Variants in HTR2C observed in about 807,000 individuals in gnomAD.
HTR2C encodes 5-hydroxytryptamine (serotonin) receptor 2C, G protein-coupled.
A neutral mutation model predicts 21.0 loss-of-function variants in HTR2C; 5 were observed. The observed-to-expected ratio is 0.24, with a 90% confidence interval of 0.12 to 0.50. The LOEUF is 0.50. Ranked by LOEUF, HTR2C falls within the 20% of genes least tolerant of loss-of-function variation. HTR2C has a pLI of 0.98. For missense variants in HTR2C, 271 were observed against 371.2 expected, an observed-to-expected ratio of 0.73 and a Z score of 2.22; for synonymous variants, 150 against 145.3, an observed-to-expected ratio of 1.03 and a Z score of -0.23.
chrX:114,704,450 G>A (rs1375421097), intron 2 of HTR2C, among the ~76,000 whole-genome samples: 1 of 111,613 alleles, frequency 9.0e-6, no homozygotes, highest in African/African-American at 3.3e-5. Flanking sequence ...CGGAACCAAA[G>A]TCAAAAACCA....
At chrX:114,714,198 A>G (rs991462153) in intron 2 of HTR2C, among the ~76,000 whole-genome samples, 1 of 111,405 alleles carries the variant, frequency 9.0e-6, no homozygotes, top group Non-Finnish European at 1.9e-5. Flanking sequence ...CTGAAGTACT[A>G]TTTTTCTCCA....
intron 4 of HTR2C, among the ~76,000 whole-genome samples, chrX:114,789,742 T>G (rs1290286519): frequency 9.0e-6 from 1 of 111,234 alleles, no homozygotes; most frequent in Non-Finnish European, 1.9e-5. Context: ...AGGACTCTCA[T>G]AAACTCATGA....
chrX:114,662,146 C>T (rs1931012435), intron 2 of HTR2C, among the ~76,000 whole-genome samples: 1 of 111,334 alleles, frequency 9.0e-6, no homozygotes, highest in Non-Finnish European at 1.9e-5. Flanking sequence ...GAAAAGGCTG[C>T]CTTTTTTAAA....
At chrX:114,633,002 AT>A (rs1556404580) in intron 2 of HTR2C, among the ~76,000 whole-genome samples, 1 of 111,017 alleles carries the variant, frequency 9.0e-6, no homozygotes, top group African/African-American at 3.3e-5. Context: ...AAACACAAAT[AT>A]CCCACTGATA....
At chrX:114,639,276 T>C (rs1343171474) in intron 2 of HTR2C, among the ~76,000 whole-genome samples, 3 of 112,314 alleles carry the variant, frequency 2.7e-5, no homozygotes, top group African/African-American at 9.7e-5. Flanking sequence ...TATTGCTAAA[T>C]TCCATTTACA....
At chrX:114,784,339 C>T (rs1383430171) in intron 4 of HTR2C, among the ~76,000 whole-genome samples, 1 of 111,689 alleles carries the variant, frequency 9.0e-6, no homozygotes, top group African/African-American at 3.2e-5. Flanking sequence ...GTACAAATAT[C>T]TAGACAAACA....
chrX:114,799,035 T>C (rs1248890244), intron 4 of HTR2C, among the ~76,000 whole-genome samples: 5 of 109,745 alleles, frequency 4.6e-5, no homozygotes, highest in African/African-American at 1.7e-4. Context: ...CTAACCTTGA[T>C]GTTTCCAGAA....
rs1222237858 is a variant in HTR2C, at chrX:114,591,921, C to G, written c.-147+7262C>G. ...TATGGTATAGGCAACATTGATTTCT[C>G]TCTTTCCTACTCTCTCACTCAGGAT... is the stretch of plus-strand genomic sequence containing the variant. On this transcript the variant is annotated intron_variant, in intron 1 of 5. Coordinates refer to ENST00000276198, the MANE Select transcript of HTR2C (RefSeq NM_000868.4). Among the ~76,000 whole-genome samples, 3 of 111,774 alleles carry G rather than the reference C, an allele frequency of 2.7e-5. No homozygotes were observed. The East Asian group carries it at 8.4e-4, about 31-fold the overall frequency.
chrX:114,707,290 A>G (rs1054864200), intron 2 of HTR2C, among the ~76,000 whole-genome samples: 1 of 111,361 alleles, frequency 9.0e-6, no homozygotes, highest in Non-Finnish European at 1.9e-5. Flanking sequence ...GCATGGTGAC[A>G]CATGCCTGTA....
At chrX:114,599,072 A>C (rs143795792) in intron 1 of HTR2C, among the ~76,000 whole-genome samples, 1 of 111,732 alleles carries the variant, frequency 8.9e-6, no homozygotes, top group African/African-American at 3.2e-5. Context: ...TGACTACATC[A>C]TACTGTCCTT....
chrX:114,649,526 A>C (rs1290672978), intron 2 of HTR2C, among the ~76,000 whole-genome samples: 2 of 112,339 alleles, frequency 1.8e-5, no homozygotes, highest in Admixed American at 9.4e-5. Context: ...AGCCATAGGA[A>C]CATAAGAAAT....
At chrX:114,609,009 T>A (rs1325928144) in intron 1 of HTR2C, among the ~76,000 whole-genome samples, 1 of 112,058 alleles carries the variant, frequency 8.9e-6, no homozygotes, top group Non-Finnish European at 1.9e-5. Flanking sequence ...GTCTTTAAAA[T>A]TACACTTATT....
At chrX:114,741,549 A>AAAAAAAAAAAAAAAAC (rs2069648248) in intron 4 of HTR2C, among the ~76,000 whole-genome samples, 1 of 75,711 alleles carries the variant, frequency 1.3e-5, no homozygotes, top group Non-Finnish European at 2.6e-5. Context: ...AAAAAAAAAA[A>AAAAAAAAAAAAAAAAC]TATGAGATTG....
chrX:114,618,599 A>C (rs1454526333), intron 2 of HTR2C, among the ~76,000 whole-genome samples: 1 of 111,646 alleles, frequency 9.0e-6, no homozygotes, highest in Non-Finnish European at 1.9e-5. Context: ...CGCTATTTGA[A>C]AATGTGTATT....
At chrX:114,866,149 G>C (rs782512055) in intron 5 of HTR2C, among the ~76,000 whole-genome samples, 1 of 111,351 alleles carries the variant, frequency 9.0e-6, no homozygotes, top group African/African-American at 3.3e-5. Context: ...TTCATTGTCA[G>C]TGACTTAACC....
chrX:114,812,708 G>A (rs1569496700), intron 4 of HTR2C, among the ~76,000 whole-genome samples: 2 of 106,376 alleles, frequency 1.9e-5, no homozygotes, highest in South Asian at 4.3e-4. Flanking sequence ...CAGCCTGGGC[G>A]ACAGAGTGAG....
chrX:114,821,883 T>C (rs1227925057), intron 4 of HTR2C, among the ~76,000 whole-genome samples: 1 of 105,627 alleles, frequency 9.5e-6, no homozygotes, highest in East Asian at 3.0e-4. Context: ...ATATCCTTTT[T>C]TTTTTTTTTT....
intron 2 of HTR2C, among the ~76,000 whole-genome samples, chrX:114,632,967 C>T (rs183282873): frequency 3.5e-3 from 385 of 111,070 alleles, no homozygotes; most frequent in African/African-American, 0.012. Flanking sequence ...AATGCTATTT[C>T]AATATATCTT....
intron 4 of HTR2C, among the ~76,000 whole-genome samples, chrX:114,742,730 T>TAA (rs2069662470): frequency 5.9e-4 from 56 of 95,152 alleles, no homozygotes; most frequent in African/African-American, 1.9e-3. Context: ...TTTTTTAATT[T>TAA]TTTTTTTTTT....
Sources: allele counts gnomAD v4.1 joint callset (sites outside exome capture counted in the v4.1 genomes callset), GRCh38; gene constraint gnomAD v4.1.1; transcripts MANE v1.5; gene names NCBI Gene and HGNC (gene_info 2026-07-23, HGNC 2026-07-21).